Variants in TASOR observed in about 807,000 individuals in gnomAD.
The protein encoded by TASOR is transcription activation suppressor, also known as protein TASOR.
Under a neutral mutation model 178.6 loss-of-function variants are expected in TASOR, and 53 were observed. The ratio of observed to expected loss-of-function variants is 0.30; its 90% CI spans 0.24 to 0.37. TASOR has a LOEUF of 0.37. Among genes scored for constraint, TASOR ranks in the 10% least tolerant of loss-of-function variants. The pLI is 1.00. For synonymous variants in TASOR, 713 were observed against 696.2 expected (o/e 1.02, Z -0.38); for missense variants, 1,815 against 1,971.4 (o/e 0.92, Z 1.50).
At chr3:56,631,362 T>TAA (rs1204101764) in intron 18 of TASOR, among the ~76,000 whole-genome samples, 1 of 152,168 alleles carries the variant, frequency 6.6e-6, no homozygotes, top group Non-Finnish European at 1.5e-5. Flanking sequence ...CCAGTCATGG[T>TAA]AAGTAAACTC....
At chr3:56,665,917 C>T (rs999071616) in intron 7 of TASOR, among the ~76,000 whole-genome samples, 4 of 152,054 alleles carry the variant, frequency 2.6e-5, no homozygotes, top group African/African-American at 7.2e-5. Flanking sequence ...TGCAGTGAGC[C>T]GAGATCCTGC....
rs112632967 is a variant in TASOR at position 56,621,000 on chromosome 3, A to AAGTT, written c.*2033_*2036dup. The AAGTT allele has an allele frequency of 0.29, 44,372 of 150,422 alleles. 7,920 individuals carry two copies. Among genetic ancestry groups the AAGTT allele is most frequent in the Non-Finnish European group, 0.4 (27,377 of 67,614 alleles). 9.3% of individuals were successfully genotyped at this position (150,422 alleles called of 1,614,324 possible). A position where few individuals can be genotyped will look rare whatever the true frequency, so the allele number is the denominator to read the frequency against. ...ACCCTGTCTCTACTAAAAATACAAAAAGTTAGTTAGTTAGTTAGCCAGGCG... is the reference window on the plus strand; with the variant it reads ...ACCCTGTCTCTACTAAAAATACAAAAAGTTAGTTAGTTAGTTAGTTAGCCAGGCG... On this transcript the variant is annotated 3_prime_UTR_variant, in exon 24 of 24. Transcript: ENST00000683822.
chr3:56,642,116 T>C (rs2077137339), intron 14 of TASOR, among the ~76,000 whole-genome samples: 1 of 152,248 alleles, frequency 6.6e-6, no homozygotes, highest in African/African-American at 2.4e-5. Flanking sequence ...GTTAGGATTA[T>C]ATGTGTATTA....
rs781323888 is a variant in TASOR, at chr3:56,683,055, G to A, written c.-49C>T. The A allele has an allele frequency of 2.1e-5, 31 of 1,448,914 alleles. No homozygotes were observed. The highest frequency in any genetic ancestry group is 2.7e-5 in the Non-Finnish European group (30 of 1,098,752). The allele number at this position is 1,448,914 out of a possible 1,614,324, so 89.8% of individuals were successfully genotyped here. On this transcript the variant is annotated 5_prime_UTR_variant, in exon 1 of 24. Coordinates refer to ENST00000683822, the MANE Select transcript of TASOR (RefSeq NM_001365635.2). ...GAAGCTTCTGCCCACAAGGTCGACG[G>A]GTGTGGGGGGAAGGGGCGGCGGGCC...
intron 21 of TASOR, among the ~76,000 whole-genome samples, chr3:56,626,743 C>CA (rs1368759104): frequency 0.015 from 2,009 of 137,206 alleles, 50 homozygotes; most frequent in African/African-American, 0.047. Context: ...AACTCTATCT[C>CA]AAAAAAAAAA....
At chr3:56,674,393 C>A (rs896467697) in intron 1 of TASOR, among the ~76,000 whole-genome samples, 1 of 151,290 alleles carries the variant, frequency 6.6e-6, no homozygotes, top group Non-Finnish European at 1.5e-5. Flanking sequence ...GCCTGTAGTA[C>A]CAGCTACTTG....
intron 17 of TASOR, among the ~76,000 whole-genome samples, chr3:56,637,762 C>CA (rs1399328375): frequency 6.6e-6 from 1 of 151,874 alleles, no homozygotes; most frequent in African/African-American, 2.4e-5. Context: ...TGAAAAGAGT[C>CA]AGATACAACA....
chr3:56,668,110 G>A (rs1256594477), intron 6 of TASOR, among the ~76,000 whole-genome samples: 1 of 152,172 alleles, frequency 6.6e-6, no homozygotes, highest in African/African-American at 2.4e-5. Context: ...GGTGTGTTGA[G>A]GGCAATGATC....
At chr3:56,634,479 A>G (rs2076977354) in intron 17 of TASOR, among the ~76,000 whole-genome samples, 1 of 152,202 alleles carries the variant, frequency 6.6e-6, no homozygotes, top group Admixed American at 6.5e-5. Flanking sequence ...TAGGATAATT[A>G]ATTTTATCTG....
At chr3:56,655,939 G>T (rs1003632898) in intron 11 of TASOR, among the ~76,000 whole-genome samples, 1 of 152,204 alleles carries the variant, frequency 6.6e-6, no homozygotes, top group Admixed American at 6.5e-5. Context: ...TGAGATGGAA[G>T]TGAGGCTGAT....
At chr3:56,662,254 A>G in intron 9 of TASOR, 131 bp downstream of exon 9, 1 of 624,868 alleles carries the variant, frequency 1.6e-6, no homozygotes, top group Non-Finnish European at 2.9e-6. Flanking sequence ...AACCATTTAA[A>G]AAACAAACCA....
chr3:56,630,939 G>A (rs2076899579), intron 18 of TASOR, among the ~76,000 whole-genome samples: 1 of 147,778 alleles, frequency 6.8e-6, no homozygotes, highest in Non-Finnish European at 1.5e-5. Context: ...GGGGGTGCGG[G>A]GATGGAGGAA....
intron 1 of TASOR, among the ~76,000 whole-genome samples, chr3:56,677,359 C>T (rs539946240): frequency 6.6e-6 from 1 of 152,218 alleles, no homozygotes; most frequent in East Asian, 1.9e-4. Context: ...TCTAGATTGA[C>T]AGTTACTGTC....
At chr3:56,664,655 T>C (rs895791904) in intron 7 of TASOR, among the ~76,000 whole-genome samples, 1 of 152,222 alleles carries the variant, frequency 6.6e-6, no homozygotes, top group Non-Finnish European at 1.5e-5. Flanking sequence ...AATTAATAGA[T>C]ATCATACATG....
At chr3:56,637,725 C>G (rs1457957619) in intron 17 of TASOR, among the ~76,000 whole-genome samples, 1 of 151,282 alleles carries the variant, frequency 6.6e-6, no homozygotes, top group Non-Finnish European at 1.5e-5. Flanking sequence ...ACATTTCTTA[C>G]AAATAAAAAA....
chr3:56,667,864 T>C (rs192766895), intron 6 of TASOR, among the ~76,000 whole-genome samples: 2 of 152,232 alleles, frequency 1.3e-5, no homozygotes, highest in African/African-American at 4.8e-5. Flanking sequence ...AATGTTACTC[T>C]TATATAGGTG....
At chr3:56,624,347 G>C in intron 23 of TASOR, 132 bp downstream of exon 23, 4 of 833,302 alleles carry the variant, frequency 4.8e-6, no homozygotes, top group Non-Finnish European at 7.5e-6. Flanking sequence ...TAAATGTCTT[G>C]AAACACTTTC....
Position 56,668,414 on chromosome 3 carries a change from C to A in TASOR, c.880G>T (p.Ala294Ser), listed in dbSNP as rs1464105495. The A allele has an allele frequency of 6.4e-7, 1 of 1,551,566 alleles. No homozygotes were observed. The highest frequency in any genetic ancestry group is 2.0e-5 in the Admixed American group (1 of 50,968). The stretch of plus-strand genomic sequence containing the variant: ...GAACCTACCTGAGTAAGCTCATAGG[C>A]TCTGTAAGCCAAAAGTGATGTAATT... Reference protein sequence around the residue: ...NRITSLLAYRAYELTQYYFYE... With the variant: ...NRITSLLAYRSYELTQYYFYE... Residue 294 changes from alanine (A) to serine (S), a missense_variant, in exon 6 of 24, where the codon GCC becomes TCC. Physicochemically the swap from Ala to Ser is moderately conservative, Grantham distance 99 (BLOSUM62 1). Around this residue, in one of 5 missense-constraint regions of TASOR, gnomAD observed 504 missense variants for 645.3 expected, o/e 0.78. Coordinates refer to ENST00000683822, the MANE Select transcript of TASOR (RefSeq NM_001365635.2).
In TASOR at chr3:56,682,871, GGCCGCC is replaced by G. The variant is rs771559537; in HGVS notation, c.130_135del (p.Gly44_Gly45del). Reference sequence around the variant, plus strand: ...CCGCCGCTGGGCTCAGCGATGTTGAGGCCGCCGCCGCCGCCATTTTGTTGGGAGGAC... The same window carrying G: ...CCGCCGCTGGGCTCAGCGATGTTGAGGCCGCCGCCATTTTGTTGGGAGGAC... On this transcript the variant is annotated inframe_deletion, in exon 1 of 24. Coordinates refer to ENST00000683822, the MANE Select transcript of TASOR (RefSeq NM_001365635.2). 8 of 1,549,100 alleles carry G rather than the reference GGCCGCC, an allele frequency of 5.2e-6. No homozygotes were observed. The South Asian group carries it at 6.0e-5, about 12-fold the overall frequency.
Sources: allele counts gnomAD v4.1 joint callset (sites outside exome capture counted in the v4.1 genomes callset), GRCh38; gene constraint gnomAD v4.1.1; regional missense constraint gnomAD v4.1.1; transcripts MANE v1.5; gene names NCBI Gene and HGNC (gene_info 2026-07-23, HGNC 2026-07-21).